The following FRMD4B variants were observed in gnomAD, a reference collection of about 807,000 sequenced individuals.
The protein encoded by FRMD4B is FERM domain containing 4B, also known as FERM domain-containing protein 4B.
FRMD4B carries 74 observed loss-of-function variants against 141.5 expected under a neutral mutation model. The observed-to-expected ratio is 0.52, with a 90% CI of 0.43 to 0.63. The LOEUF is 0.63. FRMD4B is among the 30% of genes least tolerant of loss of function. The pLI, the probability that FRMD4B is intolerant of heterozygous loss-of-function variation, is 0.00. For missense variants in FRMD4B, 1,366 were observed against 1,253.4 expected (o/e 1.09, Z -1.36); for synonymous variants, 506 against 467.9 (o/e 1.08, Z -1.05).
At chr3:69,274,869 G>A (rs933192772) in intron 5 of FRMD4B, among the ~76,000 whole-genome samples, 2 of 152,104 alleles carry the variant, frequency 1.3e-5, no homozygotes, top group African/African-American at 2.4e-5. Context: ...ATTCAATAAC[G>A]TTTTATCTAA....
chr3:69,395,698 A>G (rs1704463653), intron 2 of FRMD4B, among the ~76,000 whole-genome samples: 2 of 152,180 alleles, frequency 1.3e-5, no homozygotes, highest in Admixed American at 1.3e-4. Flanking sequence ...ATAGGAACAT[A>G]CTGTTCTCAA....
chr3:69,357,222 T>A (rs552654818), intron 1 of FRMD4B, among the ~76,000 whole-genome samples: 6 of 151,874 alleles, frequency 4.0e-5, no homozygotes, highest in African/African-American at 1.5e-4. Context: ...TCAGAAGGGG[T>A]CCCAGATAAC....
At chr3:69,366,876 C>T (rs1375094998) in intron 1 of FRMD4B, among the ~76,000 whole-genome samples, 2 of 151,824 alleles carry the variant, frequency 1.3e-5, no homozygotes, top group African/African-American at 2.4e-5. Context: ...CTCAAGTGAT[C>T]CTCCCACCTC....
intron 1 of FRMD4B, among the ~76,000 whole-genome samples, chr3:69,433,374 T>C (rs940278822): frequency 6.6e-6 from 1 of 152,360 alleles, no homozygotes; most frequent in South Asian, 2.1e-4. Context: ...TGCTTCTCCT[T>C]TGTCACTTGT....
intron 1 of FRMD4B, among the ~76,000 whole-genome samples, chr3:69,522,205 A>G (rs1427716929): frequency 6.6e-6 from 1 of 152,112 alleles, no homozygotes; most frequent in African/African-American, 2.4e-5. Context: ...GTGGGCTAGC[A>G]CATCAAAGGT....
At chr3:69,478,634 C>T (rs1416637214) in intron 1 of FRMD4B, among the ~76,000 whole-genome samples, 1 of 152,084 alleles carries the variant, frequency 6.6e-6, no homozygotes, top group African/African-American at 2.4e-5. Context: ...ACTATGTGGT[C>T]AATTTAGGAA....
chr3:69,363,265 A>T (rs113201386), intron 1 of FRMD4B, among the ~76,000 whole-genome samples: 37 of 33,942 alleles, frequency 1.1e-3, no homozygotes, highest in South Asian at 0.01. Context: ...TTTTTTTTTT[A>T]AATAGAGATG....
intron 11 of FRMD4B, among the ~76,000 whole-genome samples, chr3:69,202,234 G>C (rs2092975241): frequency 6.6e-6 from 1 of 152,196 alleles, no homozygotes; most frequent in African/African-American, 2.4e-5. Flanking sequence ...AGGGATTTCA[G>C]ACCAATGGTC....
At chr3:69,489,891 A>C (rs1337466434) in intron 1 of FRMD4B, among the ~76,000 whole-genome samples, 1 of 152,244 alleles carries the variant, frequency 6.6e-6, no homozygotes, top group African/African-American at 2.4e-5. Context: ...ATAGAATACT[A>C]TTCAGTAATG....
chr3:69,491,031 A>G (rs746746992), intron 1 of FRMD4B, among the ~76,000 whole-genome samples: 12 of 152,178 alleles, frequency 7.9e-5, no homozygotes, highest in Non-Finnish European at 1.5e-4. Flanking sequence ...CTCTTCACCT[A>G]AAGGTGCAGC....
chr3:69,451,036 T>A (rs1209909072), intron 1 of FRMD4B, among the ~76,000 whole-genome samples: 1 of 152,174 alleles, frequency 6.6e-6, no homozygotes, highest in Non-Finnish European at 1.5e-5. Context: ...ATCCTAATGA[T>A]GACTTCTAGC....
chr3:69,485,577 A>C (rs115984226), intron 1 of FRMD4B, among the ~76,000 whole-genome samples: 3 of 152,128 alleles, frequency 2.0e-5, no homozygotes, highest in African/African-American at 7.2e-5. Context: ...CACCCCACCA[A>C]CTTGGAAGGG....
intron 2 of FRMD4B, among the ~76,000 whole-genome samples, chr3:69,407,575 G>A (rs1489218315): frequency 6.6e-6 from 1 of 152,204 alleles, no homozygotes; most frequent in African/African-American, 2.4e-5. Flanking sequence ...ACGATGTTCA[G>A]GGGTTACTTA....
At chr3:69,214,101 C>A (rs887964756) in intron 11 of FRMD4B, among the ~76,000 whole-genome samples, 1 of 152,112 alleles carries the variant, frequency 6.6e-6, no homozygotes, top group Non-Finnish European at 1.5e-5. Flanking sequence ...TTTGTGTTAT[C>A]TGTGTCAGTT....
At chr3:69,313,657 A>G in intron 1 of FRMD4B, 140 bp from the exon 2 acceptor site, 1 of 618,040 alleles carries the variant, frequency 1.6e-6, no homozygotes, top group Non-Finnish European at 2.9e-6. Flanking sequence ...GGCTTGGCCA[A>G]AAACAGATTT....
intron 1 of FRMD4B, among the ~76,000 whole-genome samples, chr3:69,446,022 G>GATTT (rs1175574115): frequency 1.3e-5 from 2 of 152,016 alleles, no homozygotes; most frequent in African/African-American, 2.4e-5. Flanking sequence ...TGTATGTGTT[G>GATTT]ATTTATTTAT....
Position 69,196,757 on chromosome 3 carries a change from A to T in FRMD4B, c.1092+143T>A, listed in dbSNP as rs571449880. On this transcript the variant is annotated intron_variant, in intron 13 of 22. Coordinates refer to ENST00000398540, the MANE Select transcript of FRMD4B (RefSeq NM_015123.3). ...TTGCCCATCATGTAAACATATAAAAAACCTGAAATAGTTGGAAGTTAAACG... is the reference window on the plus strand; with the variant it reads ...TTGCCCATCATGTAAACATATAAAATACCTGAAATAGTTGGAAGTTAAACG... 3.1e-5 allele frequency: 20 copies of T among 654,502 alleles called. No homozygotes were observed. The African/African-American group carries it at 3.7e-4, about 12-fold the overall frequency. The allele number at this position is 654,502 out of a possible 1,614,324, so 40.5% of individuals were successfully genotyped here. A position where few individuals can be genotyped will look rare whatever the true frequency, so the allele number is the denominator to read the frequency against.
At chr3:69,282,647 C>T (rs900189168) in intron 5 of FRMD4B, among the ~76,000 whole-genome samples, 4 of 152,010 alleles carry the variant, frequency 2.6e-5, no homozygotes, top group African/African-American at 4.8e-5. Context: ...ATTTTATATA[C>T]GTATATTTGG....
chr3:69,527,403 G>A (rs560044171), intron 1 of FRMD4B, among the ~76,000 whole-genome samples: 2 of 152,264 alleles, frequency 1.3e-5, no homozygotes, highest in African/African-American at 2.4e-5. Flanking sequence ...GTCCCGAAAA[G>A]GAGGAAATAC....
Sources: gnomAD v4.1 joint callset for allele counts (sites outside exome capture counted in the v4.1 genomes callset) on GRCh38, gnomAD v4.1.1 for gene constraint, MANE v1.5 for transcripts, NCBI Gene and HGNC (gene_info 2026-07-23, HGNC 2026-07-21) for gene names.